Variants in UPF2 observed in about 807,000 individuals in gnomAD.
The protein encoded by UPF2 is UPF2 regulator of nonsense mediated mRNA decay.
A neutral mutation model predicts 141.4 loss-of-function variants in UPF2; 17 were observed. The ratio of observed to expected loss-of-function variants is 0.12; its 90% confidence interval spans 0.08 to 0.18. UPF2 has a LOEUF of 0.18. UPF2 is among the 10% of genes least tolerant of loss of function. The probability of loss-of-function intolerance (pLI) is 1.00; values close to 1 mark genes in which losing one functional copy is unlikely to be tolerated. For synonymous variants in UPF2, 540 were observed against 498.0 expected (o/e 1.08, Z -1.12); for missense variants, 1,152 against 1,515.9 (o/e 0.76, Z 3.99).
rs72777714 is a variant in UPF2, at chr10:11,989,741, G to A, written c.1844+7931C>T. Among the ~76,000 whole-genome samples the A allele has an allele frequency of 2.4e-3, 372 of 152,272 alleles. 2 individuals carry two copies. The highest frequency in any genetic ancestry group is 4.3e-3 in the Non-Finnish European group (290 of 68,026). ...AATGAGCTAAGAACAAAAATGACTT[G>A]GCACTTCTTGTCCAAAGTATCTAGG... On this transcript the variant is annotated intron_variant, in intron 8 of 21. Coordinates refer to ENST00000357604, the MANE Select transcript of UPF2 (RefSeq NM_015542.4).
intron 21 of UPF2, among the ~76,000 whole-genome samples, chr10:11,923,863 C>T (rs930066250): frequency 2.6e-5 from 4 of 151,888 alleles, no homozygotes; most frequent in African/African-American, 7.3e-5. Flanking sequence ...AAGAATGACA[C>T]ACAAATTCGT....
intron 4 of UPF2, among the ~76,000 whole-genome samples, chr10:12,011,753 C>G (rs551141208): frequency 2.0e-5 from 3 of 151,986 alleles, no homozygotes; most frequent in African/African-American, 7.2e-5. Flanking sequence ...CGAGACCAGC[C>G]TGACCAACAT....
At chr10:11,960,533 A>C (rs1319101261) in intron 11 of UPF2, among the ~76,000 whole-genome samples, 4 of 152,138 alleles carry the variant, frequency 2.6e-5, no homozygotes, top group Admixed American at 1.3e-4. Flanking sequence ...ATGTCACTGC[A>C]CTCCAGCCTG....
chr10:11,968,184 GA>G (rs111863944), intron 9 of UPF2, among the ~76,000 whole-genome samples: 356 of 147,980 alleles, frequency 2.4e-3, no homozygotes, highest in Non-Finnish European at 4.2e-3. Context: ...CATCTCAAAA[GA>G]AAAAAAAAAT....
At chr10:12,013,771 G>GT (rs541472085) in intron 4 of UPF2, among the ~76,000 whole-genome samples, 5 of 151,952 alleles carry the variant, frequency 3.3e-5, no homozygotes, top group South Asian at 2.1e-4. Flanking sequence ...TTTAAGAAAA[G>GT]TTTTTTTTAA....
At chr10:11,995,781 C>CA (rs112151186) in intron 8 of UPF2, among the ~76,000 whole-genome samples, 9 of 150,672 alleles carry the variant, frequency 6.0e-5, no homozygotes, top group East Asian at 3.9e-4. Context: ...GACTCTGTAT[C>CA]AAAAAAAAAG....
intron 18 of UPF2, among the ~76,000 whole-genome samples, chr10:11,938,773 C>A (rs1040480648): frequency 1.3e-5 from 2 of 148,170 alleles, no homozygotes; most frequent in African/African-American, 5.0e-5. Flanking sequence ...GCATCCTGTG[C>A]TAGAAGGCAA....
At position 12,042,526 on chromosome 10, in the gene UPF2, A is replaced by G. The variant is rs1203724259; in HGVS notation, c.-19+229T>C. ...CAGGCACCTCCTCCACCGCCCCCCA[A>G]GCATGGCCCGGCCCGGGGGCTCCCG... On this transcript the variant is annotated intron_variant, in intron 1 of 21. Coordinates refer to ENST00000357604, the MANE Select transcript of UPF2 (RefSeq NM_015542.4). The surrounding 1 kb of genome is among the most constrained non-coding windows in gnomAD (Gnocchi z 5.5). 6.6e-6 allele frequency among the ~76,000 whole-genome samples: 1 copy of G among 151,914 alleles called. No homozygotes were observed. Among genetic ancestry groups the G allele is most frequent in the Non-Finnish European group, 1.5e-5 (1 of 67,944 alleles).
intron 6 of UPF2, among the ~76,000 whole-genome samples, chr10:12,001,169 G>A (rs1014625785): frequency 6.6e-6 from 1 of 152,070 alleles, no homozygotes; most frequent in African/African-American, 2.4e-5. Flanking sequence ...AATCCCAGCA[G>A]TTTGGGAGCC....
intron 11 of UPF2, among the ~76,000 whole-genome samples, chr10:11,962,494 T>G (rs1833255785): frequency 6.6e-6 from 1 of 152,082 alleles, no homozygotes; most frequent in Non-Finnish European, 1.5e-5. Flanking sequence ...CTCCTAAAAA[T>G]TTTCATATAG....
chr10:12,033,846 G>A (rs1218949964), intron 2 of UPF2, among the ~76,000 whole-genome samples: 2 of 152,046 alleles, frequency 1.3e-5, no homozygotes, highest in Non-Finnish European at 2.9e-5. Context: ...ACCATGCCCG[G>A]CCTAATAAGT....
Position 11,979,336 on chromosome 10 carries a change from C to T in UPF2, c.1845-171G>A, listed in dbSNP as rs531449786. The stretch of plus-strand genomic sequence containing the variant: ...AAGAAGTGTTTGAAAATTCAATGAG[C>T]CTTCTACAATTTTATTAATATTCTG... On this transcript the variant is annotated intron_variant, in intron 8 of 21. Coordinates refer to ENST00000357604, the MANE Select transcript of UPF2 (RefSeq NM_015542.4). The surrounding 1 kb of genome is among the most constrained non-coding windows in gnomAD (Gnocchi z 6.2). Among the ~76,000 whole-genome samples the T allele has an allele frequency of 6.6e-6, 1 of 152,266 alleles. No individual in the cohort carries two copies. Among genetic ancestry groups the T allele is most frequent in the South Asian group, 2.1e-4 (1 of 4,816 alleles).
rs1375167250 is a variant in UPF2, at chr10:11,998,883, G to A, written c.1758+1023C>T. ...AAATAAAAAATAAAAAGATTAGCTGGGCGTGGTGGTGCACGCCTGTAGTCC... is the reference window on the plus strand; with the variant it reads ...AAATAAAAAATAAAAAGATTAGCTGAGCGTGGTGGTGCACGCCTGTAGTCC... On this transcript the variant is annotated intron_variant, in intron 7 of 21. Transcript: ENST00000357604. The surrounding 1 kb of genome is among the most constrained non-coding windows in gnomAD (Gnocchi z 4.5). Among the ~76,000 whole-genome samples, 2 of 151,810 alleles carry A rather than the reference G, an allele frequency of 1.3e-5. No homozygotes were observed. Among genetic ancestry groups the A allele is most frequent in the African/African-American group, 4.8e-5 (2 of 41,322 alleles).
chr10:11,996,450 C>T (rs978414364), intron 8 of UPF2, among the ~76,000 whole-genome samples: 10 of 152,044 alleles, frequency 6.6e-5, no homozygotes, highest in African/African-American at 2.2e-4. Context: ...TGGGTTCAAC[C>T]GGTTCTCCTG....
chr10:11,957,428 C>G (rs957393326), intron 12 of UPF2, among the ~76,000 whole-genome samples: 4 of 151,734 alleles, frequency 2.6e-5, no homozygotes, highest in African/African-American at 7.3e-5. Context: ...GACTCCATCT[C>G]AAACAAAAAC....
chr10:11,960,133 G>A (rs2131195401), intron 11 of UPF2, among the ~76,000 whole-genome samples: 1 of 152,188 alleles, frequency 6.6e-6, no homozygotes, highest in South Asian at 2.1e-4. Flanking sequence ...CAGCCACTCT[G>A]GCCTCTACCC....
Position 11,998,456 on chromosome 10 carries a change from C to T in UPF2, c.1759-699G>A, listed in dbSNP as rs143385500. On this transcript the variant is annotated intron_variant, in intron 7 of 21. Coordinates refer to ENST00000357604, the MANE Select transcript of UPF2 (RefSeq NM_015542.4). The surrounding 1 kb of genome is among the most constrained non-coding windows in gnomAD (Gnocchi z 4.5). ...GGGGTGCAGTGGCACAATCATGGCT[C>T]ACTGCAGCCTTGCTCTGCCAGGCTC... 1.5e-3 allele frequency among the ~76,000 whole-genome samples: 235 copies of T among 152,258 alleles called. 1 individual carries two copies. The highest frequency in any genetic ancestry group is 5.2e-3 in the African/African-American group (217 of 41,568).
intron 12 of UPF2, among the ~76,000 whole-genome samples, chr10:11,958,833 CT>C (rs1833196082): frequency 6.6e-6 from 1 of 151,988 alleles, no homozygotes; most frequent in African/African-American, 2.4e-5. Flanking sequence ...ATAACGTCTA[CT>C]AAAGGTTAGG....
At chr10:11,991,578 G>A (rs927949857) in intron 8 of UPF2, among the ~76,000 whole-genome samples, 9 of 151,590 alleles carry the variant, frequency 5.9e-5, no homozygotes, top group Admixed American at 2.6e-4. Flanking sequence ...ATTAATTAGA[G>A]AAAAAATTAT....
Sources: allele counts gnomAD v4.1 joint callset (sites outside exome capture counted in the v4.1 genomes callset), GRCh38; gene constraint gnomAD v4.1.1; non-coding constraint Gnocchi (gnomAD v3.1); transcripts MANE v1.5; gene names NCBI Gene and HGNC (gene_info 2026-07-23, HGNC 2026-07-21).